The following ABI2 variants were observed in gnomAD, a reference collection of about 807,000 sequenced individuals.
The protein encoded by ABI2 is abelson interactor 2.
In ABI2, 25 loss-of-function variants were observed where a neutral mutation model predicts 59.2. The ratio of observed to expected loss-of-function variants is 0.42; its 90% CI spans 0.31 to 0.59. The LOEUF (loss-of-function observed/expected upper bound fraction) is 0.59, where lower values mean the gene tolerates loss of function less well. Among genes scored for constraint, ABI2 ranks in the 20% least tolerant of loss-of-function variants. The pLI, the probability that ABI2 is intolerant of heterozygous loss-of-function variation, is 0.14. For missense variants in ABI2, 545 were observed against 681.8 expected (o/e 0.80, Z 2.23); for synonymous variants, 213 against 235.5 (o/e 0.90, Z 0.87).
At chr2:203,398,963 G>T (rs1349135053) in intron 8 of ABI2, among the ~76,000 whole-genome samples, 4 of 152,106 alleles carry the variant, frequency 2.6e-5, no homozygotes, top group Non-Finnish European at 5.9e-5. Flanking sequence ...AGGACATTTA[G>T]ATTTTTCTAG....
At chr2:203,344,529 C>T (rs1183674229) in intron 1 of ABI2, among the ~76,000 whole-genome samples, 2 of 148,458 alleles carry the variant, frequency 1.3e-5, no homozygotes, top group Admixed American at 6.8e-5. Flanking sequence ...CCACACCCGG[C>T]TAATTTTTGC....
intron 11 of ABI2, among the ~76,000 whole-genome samples, chr2:203,420,386 G>A (rs999970013): frequency 7.3e-6 from 1 of 137,840 alleles, no homozygotes; most frequent in Non-Finnish European, 1.6e-5. Flanking sequence ...TCACAAGACT[G>A]TGACAGTCCC....
Position 203,427,570 on chromosome 2 carries a change from G to C in ABI2, c.*218G>C. 1 of 446,770 alleles carries C rather than the reference G, an allele frequency of 2.2e-6. No individual in the cohort carries two copies. Among genetic ancestry groups the C allele is most frequent in the Non-Finnish European group, 4.0e-6 (1 of 250,842 alleles). The allele number at this position is 446,770 out of a possible 1,614,324, so 27.7% of individuals were successfully genotyped here. On this transcript the variant is annotated 3_prime_UTR_variant, in exon 12 of 12. Coordinates refer to ENST00000261018, the MANE Select transcript of ABI2 (RefSeq NM_001375670.1). ...CATTTGTACAATGCTGAGCTGTCTGGATTGAAATAAAATGACCATTTTTAT... is the reference window on the plus strand; with the variant it reads ...CATTTGTACAATGCTGAGCTGTCTGCATTGAAATAAAATGACCATTTTTAT...
At chr2:203,353,308 C>T (rs2090020468) in intron 1 of ABI2, among the ~76,000 whole-genome samples, 1 of 152,020 alleles carries the variant, frequency 6.6e-6, no homozygotes, top group Non-Finnish European at 1.5e-5. Context: ...TTTGCATTTC[C>T]ACTAGCTACC....
At chr2:203,332,100 G>A (rs1006488267) in intron 1 of ABI2, among the ~76,000 whole-genome samples, 2 of 151,704 alleles carry the variant, frequency 1.3e-5, no homozygotes, top group Non-Finnish European at 2.9e-5. Flanking sequence ...GTGAGCCACC[G>A]TGCCTGGCCC....
chr2:203,329,341 ATT>A (rs11376266), intron 1 of ABI2: 6 of 100,682 alleles, frequency 6.0e-5, no homozygotes, highest in South Asian at 3.6e-4. Context: ...TCCTGGTTTA[ATT>A]TTTTTTTTTT....
chr2:203,425,434 G>A (rs2098400364), intron 11 of ABI2, among the ~76,000 whole-genome samples: 1 of 151,918 alleles, frequency 6.6e-6, no homozygotes, highest in Non-Finnish European at 1.5e-5. Flanking sequence ...AACTTCTGAT[G>A]TCAGCAGTCT....
intron 1 of ABI2, among the ~76,000 whole-genome samples, chr2:203,354,545 A>C (rs1025841152): frequency 6.6e-6 from 1 of 152,228 alleles, no homozygotes; most frequent in Non-Finnish European, 1.5e-5. Context: ...CCTGTCTGGA[A>C]GTTAACAGGT....
At chr2:203,357,007 A>G (rs767087029) in intron 1 of ABI2, among the ~76,000 whole-genome samples, 11 of 150,912 alleles carry the variant, frequency 7.3e-5, no homozygotes, top group Non-Finnish European at 1.2e-4. Context: ...CTAAAAAACG[A>G]TTACTTCTTC....
intron 8 of ABI2, among the ~76,000 whole-genome samples, chr2:203,402,324 T>C (rs1341580033): frequency 6.6e-6 from 1 of 152,190 alleles, no homozygotes; most frequent in African/African-American, 2.4e-5. Flanking sequence ...CATGAGTCAC[T>C]GCACCCGGCC....
At chr2:203,369,229 A>G (rs919592596) in intron 2 of ABI2, among the ~76,000 whole-genome samples, 1 of 151,962 alleles carries the variant, frequency 6.6e-6, no homozygotes, top group Non-Finnish European at 1.5e-5. Context: ...AAATTTTTCC[A>G]TGTTTGAAGC....
intron 1 of ABI2, among the ~76,000 whole-genome samples, chr2:203,353,326 C>T (rs936856162): frequency 3.3e-5 from 5 of 152,120 alleles, no homozygotes; most frequent in African/African-American, 1.2e-4. Flanking sequence ...ACCATTCAAG[C>T]GCTTCATAGC....
At chr2:203,358,071 T>TTGTTTGTG (rs2092625526) in intron 1 of ABI2, among the ~76,000 whole-genome samples, 1 of 128,782 alleles carries the variant, frequency 7.8e-6, no homozygotes, top group African/African-American at 3.1e-5. Context: ...CCTGGCCTGT[T>TTGTTTGTG]TGTGTGTGTG....
At chr2:203,367,551 T>A (rs188954729) in intron 2 of ABI2, 74 of 152,010 alleles carry the variant, frequency 4.9e-4, no homozygotes, top group African/African-American at 1.7e-3. Context: ...AAAAGTTTTT[T>A]AAAAAATGTT....
At chr2:203,402,985 G>T (rs191328414) in intron 9 of ABI2, among the ~76,000 whole-genome samples, 1 of 152,176 alleles carries the variant, frequency 6.6e-6, no homozygotes, top group African/African-American at 2.4e-5. Flanking sequence ...ATATTTTAGT[G>T]GTTATTTGCT....
chr2:203,368,932 T>A (rs2094795527), intron 2 of ABI2, among the ~76,000 whole-genome samples: 1 of 149,458 alleles, frequency 6.7e-6, no homozygotes, highest in Admixed American at 6.7e-5. Context: ...TCCTCCTGCC[T>A]CAGCCTCTCA....
At chr2:203,376,876 A>G (rs2095739049) in intron 2 of ABI2, among the ~76,000 whole-genome samples, 1 of 152,084 alleles carries the variant, frequency 6.6e-6, no homozygotes, top group African/African-American at 2.4e-5. Context: ...TCAAATGAAC[A>G]GATTTCTAAT....
At position 203,396,809 on chromosome 2, in the gene ABI2, C is replaced by A; in HGVS notation, c.875C>A (p.Pro292His). The A allele has an allele frequency of 6.5e-7, 1 of 1,532,944 alleles. No homozygotes were observed. 95.0% of individuals were successfully genotyped at this position (1,532,944 alleles called of 1,614,324 possible). A position where few individuals can be genotyped will look rare whatever the true frequency, so the allele number is the denominator to read the frequency against. The change falls in exon 8 of 12, where the codon CCT becomes CAT. Residue 292 changes from proline (P) to histidine (H), a missense_variant. By Grantham distance (77) the Pro-to-His change is moderately conservative (BLOSUM62 -2). Around this residue, in one of 4 missense-constraint regions of ABI2, gnomAD observed 410 missense variants for 435.6 expected, o/e 0.94. Transcript: ENST00000261018. The stretch of plus-strand genomic sequence containing the variant: ...GCCCCTGCTGGCTCTGCTGGCACTC[C>A]TCCCCTTCCTGCTACTTCTGCATCT... ...FPAPAGSAGT[P>H]PLPATSASAP...
chr2:203,329,492 A>G (rs1478973065), intron 1 of ABI2, among the ~76,000 whole-genome samples: 2 of 151,914 alleles, frequency 1.3e-5, no homozygotes, highest in Non-Finnish European at 2.9e-5. Flanking sequence ...GATTAAAAAA[A>G]TCCTTCTTTA....
Sources: allele counts gnomAD v4.1 joint callset (sites outside exome capture counted in the v4.1 genomes callset), GRCh38; gene constraint gnomAD v4.1.1; regional missense constraint gnomAD v4.1.1; transcripts MANE v1.5; gene names NCBI Gene and HGNC (gene_info 2026-07-23, HGNC 2026-07-21).